Variants in TG observed in about 807,000 individuals in gnomAD.
TG encodes the protein thyroglobulin.
Under a neutral mutation model 324.7 loss-of-function variants are expected in TG, and 270 were observed. The ratio of observed to expected loss-of-function variants is 0.83; its 90% confidence interval spans 0.75 to 0.92. TG has a LOEUF of 0.92. Ranked by LOEUF, TG falls within the 40% of genes least tolerant of loss-of-function variation. TG has a pLI of 0.00. For synonymous variants in TG, 1,401 were observed against 1,327.0 expected (o/e 1.06, Z -1.21); for missense variants, 3,591 against 3,456.4 (o/e 1.04, Z -0.98).
rs374180208 is a variant in TG at position 132,897,737 on chromosome 8, G to A, written c.3090G>A (p.Gln1030=). Residue 1030 remains glutamine (Q), a synonymous_variant, in exon 12 of 48, where the codon CAG becomes CAA. Coordinates refer to ENST00000220616, the MANE Select transcript of TG (RefSeq NM_003235.5). ...TGCGGTCGGGCCCCTACATGCCACA[G>A]TGTGATGCGTTTGGAAGTTGGGAGC... The part of the protein sequence containing the change: ...ALLRSGPYMP[Q]CDAFGSWEPV... 4 of 1,614,116 alleles carry A rather than the reference G, an allele frequency of 2.5e-6. No homozygotes were observed. The African/African-American group carries it at 5.3e-5, about 22-fold the overall frequency.
chr8:133,093,598 T>C (rs879562875), intron 41 of TG, among the ~76,000 whole-genome samples: 9 of 152,316 alleles, frequency 5.9e-5, no homozygotes, highest in Non-Finnish European at 1.3e-4. Context: ...ACAGCGGCCG[T>C]GTCCAGGATC....
chr8:132,983,223 T>G, intron 34 of TG, 127 bp from the exon 35 acceptor site: 1 of 956,028 alleles, frequency 1.0e-6, no homozygotes, highest in Non-Finnish European at 1.7e-6. Context: ...CGATACAGGT[T>G]GGGACAATCT....
In TG at chr8:133,116,710, A is replaced by G. The variant is rs755533156; in HGVS notation, c.7856A>G (p.His2619Arg). The change falls in exon 45 of 48, where the codon CAT (histidine) becomes CGT (arginine). Residue 2619 changes from histidine to arginine, a missense_variant. By Grantham distance (29) the His-to-Arg change is conservative (BLOSUM62 0). Coordinates refer to ENST00000220616, the MANE Select transcript of TG (RefSeq NM_003235.5). ...FMYHAPENYGHGSLELLADVQ... is the reference protein window; with the variant it reads ...FMYHAPENYGRGSLELLADVQ... ...TACCATGCTCCTGAAAACTACGGCC[A>G]TGGCAGGTAAGACGCTGCAGGGAAG... 11 of 1,614,018 alleles carry G rather than the reference A, an allele frequency of 6.8e-6. No homozygotes were observed. Among genetic ancestry groups the G allele is most frequent in the Non-Finnish European group, 9.3e-6 (11 of 1,179,960 alleles).
rs1363143615 is a variant in TG, at chr8:132,960,999, C to T, written c.5402-9C>T. 2.5e-6 allele frequency: 4 copies of T among 1,613,736 alleles called. No homozygotes were observed. The highest frequency in any genetic ancestry group is 3.4e-6 in the Non-Finnish European group (4 of 1,179,804). On this transcript the variant is annotated splice_polypyrimidine_tract_variant and intron_variant, in intron 27 of 47. Coordinates refer to ENST00000220616, the MANE Select transcript of TG (RefSeq NM_003235.5). ...TCAAGCTCATAAAAATAAACATCTT[C>T]CTTTGCAGGTCTGACACCCTTAGAA...
rs1272248767 is a variant in TG at position 132,948,789 on chromosome 8, T to C, written c.5247T>C (p.Cys1749=). ...TGTGATTCTCAGGTGCCATCATCTG[T>C]GGGTTGCTGAGCTCACCCAGTGTCC... is the stretch of plus-strand genomic sequence containing the variant. ...LTQVQGGAII[C]GLLSSPSVLL... is the part of the protein sequence containing the mutation. The change falls in exon 27 of 48, where the codon TGT becomes TGC. Residue 1749 remains cysteine (C), a synonymous_variant. Transcript: ENST00000220616. 9 of 1,613,888 alleles carry C rather than the reference T, an allele frequency of 5.6e-6. No homozygotes were observed. In the Middle Eastern group the frequency reaches 8.5e-4, roughly 153 times the overall value.
intron 5 of TG, among the ~76,000 whole-genome samples, chr8:132,880,708 C>G (rs1031731567): frequency 1.3e-5 from 2 of 152,212 alleles, no homozygotes; most frequent in African/African-American, 4.8e-5. Context: ...AATTACTACA[C>G]CACACATTGA....
chr8:133,081,525 T>A (rs1473235687), intron 41 of TG, among the ~76,000 whole-genome samples: 1 of 152,060 alleles, frequency 6.6e-6, no homozygotes, highest in Admixed American at 6.6e-5. Flanking sequence ...GGAACCTAAA[T>A]GTGTATGTCA....
intron 35 of TG, chr8:132,995,021 C>T (rs779473093): frequency 2.3e-5 from 22 of 965,356 alleles, no homozygotes; most frequent in East Asian, 1.2e-4. Flanking sequence ...TATGCTGTAG[C>T]GTGTGATTTT....
Position 132,941,493 on chromosome 8 carries a change from C to A in TG, c.5184C>A (p.Cys1728Ter), listed in dbSNP as rs199599591. The A allele has an allele frequency of 5.7e-5, 92 of 1,614,052 alleles. No homozygotes were observed. Among genetic ancestry groups the A allele is most frequent in the Admixed American group, 1.7e-5 (1 of 60,008 alleles). Residue 1728 changes from cysteine (C) to a stop codon, truncating the protein, a stop_gained, in exon 26 of 48, where the codon TGC (cysteine) becomes TGA (stop). Coordinates refer to ENST00000220616, the MANE Select transcript of TG (RefSeq NM_003235.5). LOFTEE classifies it high-confidence loss of function. ...CTCACCTCTTCTGTCTTCTTGCATGCGACCGTGATCTGTGTTGCGATGGCT... is the reference window on the plus strand; with the variant it reads ...CTCACCTCTTCTGTCTTCTTGCATGAGACCGTGATCTGTGTTGCGATGGCT... ...TDAHLFCLLACDRDLCCDGFV... is the reference protein window; with the variant it reads ...TDAHLFCLLA
intron 43 of TG, among the ~76,000 whole-genome samples, chr8:133,111,319 C>A (rs567668171): frequency 6.6e-6 from 1 of 152,292 alleles, no homozygotes; most frequent in East Asian, 1.9e-4. Context: ...CTCTCAGCCT[C>A]AGAATTATGG....
intron 41 of TG, among the ~76,000 whole-genome samples, chr8:133,032,055 C>T (rs1252587482): frequency 1.3e-5 from 2 of 152,136 alleles, no homozygotes; most frequent in African/African-American, 2.4e-5. Flanking sequence ...GTGCCTTGCT[C>T]TCCACGGGAC....
chr8:133,023,308 G>C (rs919923315), intron 40 of TG, among the ~76,000 whole-genome samples: 8 of 145,606 alleles, frequency 5.5e-5, no homozygotes, highest in Admixed American at 6.7e-5. Flanking sequence ...ACAGATTTCA[G>C]ATTTTTTTTG....
chr8:133,111,508 G>GT lies in TG; in HGVS notation c.7573-1908dup, dbSNP rs897725242. ...AGAAAAGGACAGAGAATATAATGCA[G>GT]TTTTTTCCCTAAACTATTAGCAGGT... is the stretch of plus-strand genomic sequence containing the variant. On this transcript the variant is annotated intron_variant, in intron 43 of 47. Transcript: ENST00000220616. Among the ~76,000 whole-genome samples the GT allele has an allele frequency of 1.4e-4, 21 of 152,280 alleles. No individual in the cohort carries two copies. In the South Asian group the frequency reaches 3.7e-3, roughly 27 times the overall value.
chr8:132,919,333 C>A lies in TG; in HGVS notation c.4379-43C>A, dbSNP rs754286742. ...GTGTTCTGGGATTGTAACTGTGAAG[C>A]ATGTGTCTTGATTTTTAACATCATT... On this transcript the variant is annotated intron_variant, in intron 20 of 47. Coordinates refer to ENST00000220616, the MANE Select transcript of TG (RefSeq NM_003235.5). The A allele has an allele frequency of 3.1e-6, 5 of 1,598,318 alleles. No homozygotes were observed. In the Admixed American group the frequency reaches 5.1e-5, roughly 16 times the overall value.
In TG at chr8:132,929,755, C is replaced by T. The variant is rs190765348; in HGVS notation, c.4816+563C>T. 4.2e-4 allele frequency among the ~76,000 whole-genome samples: 64 copies of T among 152,196 alleles called. No homozygotes were observed. In the East Asian group the frequency reaches 9.3e-3, roughly 22 times the overall value. ...TAAATGATTTTATCTTTGGGGTGCA[C>T]GAAAATCTCAGACTTTACCACTATA... On this transcript the variant is annotated intron_variant, in intron 23 of 47. Transcript: ENST00000220616.
chr8:133,076,759 T>TAAAAAA (rs35056813), intron 41 of TG: 2,010 of 128,200 alleles, frequency 0.016, 54 homozygotes, highest in African/African-American at 0.057. Context: ...GATTTAGCTG[T>TAAAAAA]AAAAAAAAAA....
chr8:132,932,599 T>G (rs1313741047), intron 23 of TG, among the ~76,000 whole-genome samples: 2 of 152,224 alleles, frequency 1.3e-5, no homozygotes, highest in East Asian at 3.8e-4. Context: ...AATTTACATT[T>G]TCTACCAAAA....
At chr8:133,021,318 G>A (rs926963939) in intron 39 of TG, among the ~76,000 whole-genome samples, 1 of 152,194 alleles carries the variant, frequency 6.6e-6, no homozygotes, top group Non-Finnish European at 1.5e-5. Flanking sequence ...GAAAGGGGAC[G>A]CCAAGGACCC....
At chr8:132,951,429 A>G (rs1826086186) in intron 27 of TG, among the ~76,000 whole-genome samples, 1 of 152,236 alleles carries the variant, frequency 6.6e-6, no homozygotes, top group Non-Finnish European at 1.5e-5. Flanking sequence ...AAGAGGTAGC[A>G]CAGGGTGAAT....
Sources: gnomAD v4.1 joint callset for allele counts (sites outside exome capture counted in the v4.1 genomes callset) on GRCh38, gnomAD v4.1.1 for gene constraint, MANE v1.5 for transcripts, NCBI Gene and HGNC (gene_info 2026-07-23, HGNC 2026-07-21) for gene names.